Variants in TTLL5 observed in about 807,000 individuals in gnomAD.
The protein encoded by TTLL5 is tubulin polyglutamylase TTLL5.
TTLL5 carries 132 observed loss-of-function variants against 168.4 expected under a neutral mutation model. The ratio of observed to expected loss-of-function variants is 0.78; its 90% confidence interval spans 0.68 to 0.91. TTLL5 has a LOEUF of 0.91. Among genes scored for constraint, TTLL5 ranks in the 40% least tolerant of loss-of-function variants. TTLL5 has a pLI of 0.00. For synonymous variants in TTLL5, 546 were observed against 558.6 expected (o/e 0.98, Z 0.32); for missense variants, 1,545 against 1,581.5 (o/e 0.98, Z 0.39).
At chr14:75,942,149 C>T (rs1389281890) in intron 31 of TTLL5, among the ~76,000 whole-genome samples, 1 of 149,702 alleles carries the variant, frequency 6.7e-6, no homozygotes. Flanking sequence ...TGCCACTGCA[C>T]TCCATCCTGG....
chr14:75,775,450 C>CTTTT, intron 21 of TTLL5, 34 bp from the exon 22 acceptor site: 2 of 1,585,910 alleles, frequency 1.3e-6, no homozygotes. Flanking sequence ...ACCATCCCTC[C>CTTTT]TTTTTTTTTC....
At chr14:75,745,300 T>C in intron 16 of TTLL5, 92 bp downstream of exon 16, 2 of 1,307,804 alleles carry the variant, frequency 1.5e-6, no homozygotes, top group East Asian at 4.9e-5. Context: ...CAAACTCATG[T>C]CTTACATTGA....
At chr14:75,939,899 A>G (rs907351424) in intron 31 of TTLL5, among the ~76,000 whole-genome samples, 18 of 152,098 alleles carry the variant, frequency 1.2e-4, no homozygotes, top group African/African-American at 4.3e-4. Flanking sequence ...TCAAAGCTAT[A>G]TAAAAATCCA....
intron 30 of TTLL5, among the ~76,000 whole-genome samples, chr14:75,885,167 C>A (rs1595206165): frequency 6.8e-6 from 1 of 146,718 alleles, no homozygotes; most frequent in East Asian, 2.0e-4. Context: ...AGAACAAGAC[C>A]CCGTCTCAAA....
chr14:75,732,923 A>C (rs1225552656), intron 13 of TTLL5, among the ~76,000 whole-genome samples: 1 of 152,192 alleles, frequency 6.6e-6, no homozygotes, highest in African/African-American at 2.4e-5. Flanking sequence ...TTACTAACCT[A>C]TTGTTTAGAA....
Position 75,752,987 on chromosome 14 carries a change from T to G in TTLL5, c.1550+32T>G, listed in dbSNP as rs762770095. The G allele has an allele frequency of 3.1e-6, 5 of 1,588,756 alleles. No homozygotes were observed. The Admixed American group carries it at 5.0e-5, about 16-fold the overall frequency. On this transcript the variant is annotated intron_variant, in intron 18 of 31. Coordinates refer to ENST00000298832, the MANE Select transcript of TTLL5 (RefSeq NM_015072.5). ...ATTTGCTAAACTTTAAATTTAGGAC[T>G]AGATCACAAGATTAACAGAAAGTAC...
intron 12 of TTLL5, among the ~76,000 whole-genome samples, chr14:75,724,960 T>TTAAA (rs1888098369): frequency 7.9e-5 from 12 of 152,236 alleles, no homozygotes; most frequent in Non-Finnish European, 1.5e-5. Context: ...ATGTTGCTGC[T>TTAAA]GACAGTGGGT....
chr14:75,856,021 T>C (rs1205771103), intron 28 of TTLL5, among the ~76,000 whole-genome samples: 3 of 152,220 alleles, frequency 2.0e-5, no homozygotes, highest in South Asian at 2.1e-4. Context: ...GTGACTCTTA[T>C]AACTGTGCAC....
At chr14:75,922,441 AG>A (rs1266131020) in intron 31 of TTLL5, among the ~76,000 whole-genome samples, 2 of 152,302 alleles carry the variant, frequency 1.3e-5, no homozygotes, top group East Asian at 3.9e-4. Flanking sequence ...TTTAGCATGA[AG>A]GGCTGTTGAA....
At chr14:75,948,055 G>A (rs192964917) in intron 31 of TTLL5, among the ~76,000 whole-genome samples, 80 of 152,254 alleles carry the variant, frequency 5.3e-4, no homozygotes, top group Non-Finnish European at 1.0e-3. Context: ...AATCTTCTAT[G>A]GGGGAGTTGC....
rs778792332 is a variant in TTLL5 at position 75,874,933 on chromosome 14, C to CCTTTTTTTTTTTTT, written c.3523-7752_3523-7751insCTTTTTTTTTTTTT. On this transcript the variant is annotated intron_variant, in intron 29 of 31. Transcript: ENST00000298832. ...AGAGAAAAAAAAAGACACTGGGGGC[C>CCTTTTTTTTTTTTT]TTTTTTTTTTTTTTTTTTGAGACGG... Among the ~76,000 whole-genome samples, 222 of 97,526 alleles carry CCTTTTTTTTTTTTT rather than the reference C, an allele frequency of 2.3e-3. 44 individuals are homozygous for CCTTTTTTTTTTTTT. Among genetic ancestry groups the CCTTTTTTTTTTTTT allele is most frequent in the African/African-American group, 0.01 (211 of 20,362 alleles). The allele number at this position is 97,526 out of a possible 152,430, so 64.0% of individuals were successfully genotyped here.
At chr14:75,863,281 A>T (rs564106278) in intron 28 of TTLL5, among the ~76,000 whole-genome samples, 2 of 152,318 alleles carry the variant, frequency 1.3e-5, no homozygotes, top group African/African-American at 4.8e-5. Flanking sequence ...AGAGAAAATG[A>T]TCATGCATCT....
At chr14:75,909,764 G>A (rs1223374149) in intron 31 of TTLL5, among the ~76,000 whole-genome samples, 1 of 152,242 alleles carries the variant, frequency 6.6e-6, no homozygotes, top group African/African-American at 2.4e-5. Context: ...TGTTACACAA[G>A]TGATGTTTTA....
intron 29 of TTLL5, among the ~76,000 whole-genome samples, chr14:75,880,061 C>G (rs952100202): frequency 6.6e-6 from 1 of 152,096 alleles, no homozygotes; most frequent in Non-Finnish European, 1.5e-5. Context: ...TGCCTTGACC[C>G]CTAGCTAACC....
intron 28 of TTLL5, among the ~76,000 whole-genome samples, chr14:75,855,400 A>C (rs1362502463): frequency 2.6e-5 from 4 of 152,202 alleles, no homozygotes; most frequent in Non-Finnish European, 5.9e-5. Flanking sequence ...CATTTGAAAG[A>C]AGGGAATTGC....
At chr14:75,777,428 G>A (rs2140320496) in intron 23 of TTLL5, among the ~76,000 whole-genome samples, 1 of 152,238 alleles carries the variant, frequency 6.6e-6, no homozygotes, top group Middle Eastern at 3.4e-3. Context: ...ATATAAAATA[G>A]AACAAGTTCT....
At position 75,695,861 on chromosome 14, in the gene TTLL5, C is replaced by T. The variant is rs374866354; in HGVS notation, c.503-3327C>T. Among the ~76,000 whole-genome samples the T allele has an allele frequency of 5.8e-4, 79 of 135,420 alleles. 1 individual carries two copies. In the South Asian group the frequency reaches 1.0e-2, roughly 17 times the overall value. The allele number at this position is 135,420 out of a possible 152,430, so 88.8% of individuals were successfully genotyped here. On this transcript the variant is annotated intron_variant, in intron 6 of 31. Coordinates refer to ENST00000298832, the MANE Select transcript of TTLL5 (RefSeq NM_015072.5). Reference sequence around the variant, plus strand: ...CCACTTCCCTCCCCTACCTTCCTCCCGCTACCTTTCCCCCTTCCCTCCCCT... The same window carrying T: ...CCACTTCCCTCCCCTACCTTCCTCCTGCTACCTTTCCCCCTTCCCTCCCCT...
intron 14 of TTLL5, 71 bp from the exon 15 acceptor site, chr14:75,735,124 G>C: frequency 7.0e-7 from 1 of 1,428,472 alleles, no homozygotes; most frequent in Non-Finnish European, 9.9e-7. Flanking sequence ...TGTATCTAAA[G>C]AAAAGGTGCA....
At chr14:75,702,495 A>T (rs1052602647) in intron 7 of TTLL5, among the ~76,000 whole-genome samples, 1 of 152,230 alleles carries the variant, frequency 6.6e-6, no homozygotes. Context: ...AATAGGATCT[A>T]TTCCCAGCTC....
Sources: gnomAD v4.1 joint callset for allele counts (sites outside exome capture counted in the v4.1 genomes callset) on GRCh38, gnomAD v4.1.1 for gene constraint, MANE v1.5 for transcripts, NCBI Gene and HGNC (gene_info 2026-07-23, HGNC 2026-07-21) for gene names.